The following TNRC6A variants were observed in gnomAD, a reference collection of about 807,000 sequenced individuals.
TNRC6A encodes trinucleotide repeat containing adaptor 6A.
Under a neutral mutation model 221.2 loss-of-function variants are expected in TNRC6A, and 44 were observed. The observed-to-expected ratio is 0.20, with a 90% CI of 0.16 to 0.26. TNRC6A has a LOEUF of 0.26. TNRC6A is among the 10% of genes least tolerant of loss of function. The pLI is 1.00. For missense variants in TNRC6A, 2,199 were observed against 2,404.4 expected, an observed-to-expected ratio of 0.91 and a Z score of 1.79; for synonymous variants, 847 against 838.5, an observed-to-expected ratio of 1.01 and a Z score of -0.18.
chr16:24,764,541 T>G (rs2057431896), intron 4 of TNRC6A, among the ~76,000 whole-genome samples: 1 of 152,070 alleles, frequency 6.6e-6, no homozygotes, highest in African/African-American at 2.4e-5. Flanking sequence ...CAGGCTGGTC[T>G]CAAACTCCTG....
chr16:24,818,509 C>T (rs1323541028), intron 20 of TNRC6A, 84 bp from the exon 21 acceptor site: 10 of 1,048,640 alleles, frequency 9.5e-6, no homozygotes, highest in African/African-American at 3.2e-5. Flanking sequence ...ATACTGTTAG[C>T]TTTGATTTCT....
intron 1 of TNRC6A, among the ~76,000 whole-genome samples, chr16:24,627,074 C>A (rs1901057639): frequency 6.6e-6 from 1 of 151,626 alleles, no homozygotes; most frequent in Non-Finnish European, 1.5e-5. Context: ...TATGGCCCAA[C>A]CAGGTAGTTT....
chr16:24,648,406 G>T (rs1902413396), intron 2 of TNRC6A, among the ~76,000 whole-genome samples: 1 of 151,446 alleles, frequency 6.6e-6, no homozygotes, highest in Admixed American at 6.6e-5. Flanking sequence ...AAGTAGCTAG[G>T]ACTACAGGTG....
chr16:24,611,274 T>C (rs750920529), intron 1 of TNRC6A, among the ~76,000 whole-genome samples: 6 of 152,212 alleles, frequency 3.9e-5, no homozygotes, highest in Admixed American at 6.5e-5. Context: ...GACTTGGTGA[T>C]TGGAAATGTA....
chr16:24,747,351 G>C (rs2057035682), intron 2 of TNRC6A, among the ~76,000 whole-genome samples: 1 of 152,148 alleles, frequency 6.6e-6, no homozygotes, highest in Admixed American at 6.5e-5. Context: ...CATAAGTCAA[G>C]TTCTGATAAA....
intron 2 of TNRC6A, among the ~76,000 whole-genome samples, chr16:24,648,336 A>G (rs1259223528): frequency 7.4e-6 from 1 of 134,778 alleles, no homozygotes; most frequent in Non-Finnish European, 1.5e-5. Context: ...CAGTGGCACA[A>G]TCTTGGCTCA....
At chr16:24,737,332 T>C (rs1053527217) in intron 2 of TNRC6A, among the ~76,000 whole-genome samples, 4 of 152,102 alleles carry the variant, frequency 2.6e-5, no homozygotes, top group Non-Finnish European at 4.4e-5. Context: ...GGAAGTAATA[T>C]TCGACTAAGG....
chr16:24,776,226 C>CA, intron 4 of TNRC6A: 1 of 977,418 alleles, frequency 1.0e-6, no homozygotes, highest in Non-Finnish European at 1.2e-6. Flanking sequence ...TCTTTCCACT[C>CA]TTTTATGAGT....
At chr16:24,703,729 A>G (rs35575023) in intron 2 of TNRC6A, among the ~76,000 whole-genome samples, 76,256 of 151,924 alleles carry the variant, frequency 0.5, 20,718 homozygotes, top group East Asian at 0.86. Flanking sequence ...ATATGCTTTC[A>G]TTTCTCTTGA....
intron 3 of TNRC6A, among the ~76,000 whole-genome samples, chr16:24,755,130 CATTTT>C (rs1241541812): frequency 6.6e-6 from 1 of 152,132 alleles, no homozygotes; most frequent in Non-Finnish European, 1.5e-5. Context: ...TTATAAAACT[CATTTT>C]ATTCAACAGA....
intron 2 of TNRC6A, among the ~76,000 whole-genome samples, chr16:24,667,924 C>T (rs1478047598): frequency 6.6e-6 from 1 of 152,108 alleles, no homozygotes; most frequent in Non-Finnish European, 1.5e-5. Context: ...ACTCAGAAGG[C>T]TGAGGCAGCA....
rs138599102 is a variant in TNRC6A, at chr16:24,791,553, C to G, written c.2911C>G (p.Leu971Val). 1.1e-3 allele frequency: 1,658 copies of G among 1,548,740 alleles called. 3 individuals are homozygous for G. Among genetic ancestry groups the G allele is most frequent in the Admixed American group, 2.2e-3 (108 of 48,320 alleles). ...AGGCAAACCTCCTGGTACAGGCTGGCTGGGGGGACCTATACCAGCCCCAGC... is the reference window on the plus strand; with the variant it reads ...AGGCAAACCTCCTGGTACAGGCTGGGTGGGGGGACCTATACCAGCCCCAGC... ...ATGKPPGTGW[L>V]GGPIPAPAKE... The change falls in exon 6 of 25, where the codon CTG becomes GTG. Residue 971 changes from leucine (L) to valine (V), a missense_variant. By Grantham distance (32) the Leu-to-Val change is conservative. Around this residue, in one of 8 missense-constraint regions of TNRC6A, gnomAD observed 1,405 missense variants for 1,400.2 expected, o/e 1.00. Coordinates refer to ENST00000395799, the MANE Select transcript of TNRC6A (RefSeq NM_014494.4).
intron 4 of TNRC6A, among the ~76,000 whole-genome samples, chr16:24,764,447 C>T (rs1249826007): frequency 6.6e-6 from 1 of 151,842 alleles, no homozygotes; most frequent in South Asian, 2.1e-4. Flanking sequence ...GTGCCTTAGC[C>T]TCCTGGGTAG....
At chr16:24,796,236 G>A in intron 9 of TNRC6A, 1 of 337,628 alleles carries the variant, frequency 3.0e-6, no homozygotes, top group African/African-American at 2.1e-5. Flanking sequence ...AGTGACAAGA[G>A]ATCTGGCTCT....
intron 2 of TNRC6A, among the ~76,000 whole-genome samples, chr16:24,680,772 T>G (rs1362530792): frequency 1.3e-5 from 2 of 151,932 alleles, no homozygotes; most frequent in Non-Finnish European, 2.9e-5. Context: ...TTTGTTTGTT[T>G]GTTTTTTGAC....
intron 2 of TNRC6A, among the ~76,000 whole-genome samples, chr16:24,718,850 A>G (rs577249178): frequency 1.9e-4 from 29 of 151,916 alleles, no homozygotes; most frequent in Non-Finnish European, 2.6e-4. Flanking sequence ...CAGCCTGTCC[A>G]ATATGGTGAA....
chr16:24,614,646 G>A (rs761840215), intron 1 of TNRC6A, among the ~76,000 whole-genome samples: 4 of 152,124 alleles, frequency 2.6e-5, no homozygotes, highest in Admixed American at 6.5e-5. Context: ...ATTGTTCCCC[G>A]TAATGAAATT....
At chr16:24,723,478 C>G (rs1482448201) in intron 2 of TNRC6A, among the ~76,000 whole-genome samples, 3 of 151,918 alleles carry the variant, frequency 2.0e-5, no homozygotes, top group Non-Finnish European at 4.4e-5. Flanking sequence ...TTTGTAATCT[C>G]AGCTACCTGG....
intron 1 of TNRC6A, among the ~76,000 whole-genome samples, chr16:24,619,978 T>C (rs1364196828): frequency 6.6e-6 from 1 of 151,862 alleles, no homozygotes; most frequent in African/African-American, 2.4e-5. Context: ...CCAGGCTGTA[T>C]AAAAAATTAA....
Sources: allele counts gnomAD v4.1 joint callset (sites outside exome capture counted in the v4.1 genomes callset), GRCh38; gene constraint gnomAD v4.1.1; regional missense constraint gnomAD v4.1.1; transcripts MANE v1.5; gene names NCBI Gene and HGNC (gene_info 2026-07-23, HGNC 2026-07-21).